Variants in STK3 observed in about 807,000 individuals in gnomAD.
The protein encoded by STK3 is serine/threonine kinase 3.
A neutral mutation model predicts 58.0 loss-of-function variants in STK3; 41 were observed. That is an observed-to-expected ratio of 0.71 (90% confidence interval 0.55 to 0.92). The LOEUF (loss-of-function observed/expected upper bound fraction) is 0.92. Ranked by LOEUF, STK3 falls within the 40% of genes least tolerant of loss-of-function variation. The pLI is 0.00. For synonymous variants in STK3, 170 were observed against 191.0 expected (o/e 0.89, Z 0.91); for missense variants, 479 against 602.7 (o/e 0.79, Z 2.15).
rs1026148816 is a variant in STK3, at chr8:98,595,900, G to A, written c.822+132C>T. 1.2e-5 allele frequency: 12 copies of A among 994,142 alleles called. No homozygotes were observed. The African/African-American group carries it at 1.3e-4, about 11-fold the overall frequency. The allele number at this position is 994,142 out of a possible 1,614,324, so 61.6% of individuals were successfully genotyped here. On this transcript the variant is annotated intron_variant, in intron 7 of 10. Coordinates refer to ENST00000419617, the MANE Select transcript of STK3 (RefSeq NM_006281.4). The stretch of plus-strand genomic sequence containing the variant: ...ACGAGAGGGGAGGAAAGAAAAGAAG[G>A]GAGCAAACAGGAGGGGAGGGGAGGT...
intron 1 of STK3, among the ~76,000 whole-genome samples, chr8:98,381,451 C>T (rs974486240): frequency 6.6e-6 from 1 of 152,036 alleles, no homozygotes; most frequent in Non-Finnish European, 1.5e-5. Flanking sequence ...ATATTTAATC[C>T]GGGCATTAAA....
chr8:98,456,044 A>C, intron 10 of STK3, 44 bp from the exon 11 acceptor site: 2 of 1,529,278 alleles, frequency 1.3e-6, no homozygotes, highest in Non-Finnish European at 1.8e-6. Flanking sequence ...AATTATCCAC[A>C]TTATCCACAA....
At chr8:98,939,983 TGAATTCGAAGCAGCCTTG>T (rs1252199770) in intron 1 of STK3, among the ~76,000 whole-genome samples, 2 of 152,216 alleles carry the variant, frequency 1.3e-5, no homozygotes, top group Admixed American at 6.5e-5. Flanking sequence ...AAAAGCACCA[TGAATTCGAAGCAGCCTTG>T]GACGCGGGAT....
chr8:98,681,254 C>G (rs1305830731), intron 6 of STK3, among the ~76,000 whole-genome samples: 1 of 152,104 alleles, frequency 6.6e-6, no homozygotes, highest in African/African-American at 2.4e-5. Flanking sequence ...ACCTCGACCT[C>G]CCAAAGTGCT....
At chr8:98,368,511 G>A (rs1295638848), downstream of STK3, among the ~76,000 whole-genome samples, 1 of 152,120 alleles carries the variant, frequency 6.6e-6, no homozygotes, top group African/African-American at 2.4e-5. Flanking sequence ...GAGCACACAG[G>A]TTCCCACACA....
intron 6 of STK3, among the ~76,000 whole-genome samples, chr8:98,649,067 A>C (rs1820652977): frequency 6.6e-6 from 1 of 152,010 alleles, no homozygotes; most frequent in African/African-American, 2.4e-5. Flanking sequence ...AAAAAAAAAA[A>C]AAAAAACTCA....
chr8:98,459,677 G>C (rs1398889394), intron 10 of STK3, among the ~76,000 whole-genome samples: 7 of 152,236 alleles, frequency 4.6e-5, no homozygotes, highest in Non-Finnish European at 8.8e-5. Context: ...GTGCAGCCTT[G>C]AGACATGGCA....
chr8:98,718,477 C>T (rs945302648), intron 4 of STK3, among the ~76,000 whole-genome samples: 113 of 152,192 alleles, frequency 7.4e-4, no homozygotes, highest in African/African-American at 2.6e-3. Flanking sequence ...GACTTGACAG[C>T]GCAGAGAAAG....
Position 98,800,617 on chromosome 8 carries a change from G to A in STK3, c.26+24898C>T, listed in dbSNP as rs190869111. On this transcript the variant is annotated intron_variant, in intron 1 of 10. Coordinates refer to ENST00000419617, the MANE Select transcript of STK3 (RefSeq NM_006281.4). This position sits in a 1 kb window ranked among gnomAD's most constrained non-coding sequence, Gnocchi z 4.8. ...AAGCGTGGGCAGGAACCAGGACTGC[G>A]CGCAGCACTCATGGGCCAGCACGAG... Among the ~76,000 whole-genome samples the A allele has an allele frequency of 7.2e-5, 11 of 152,298 alleles. No individual in the cohort carries two copies. The highest frequency in any genetic ancestry group is 3.9e-4 in the Admixed American group (6 of 15,306).
At chr8:98,566,938 A>T (rs1735236886) in intron 8 of STK3, among the ~76,000 whole-genome samples, 1 of 152,248 alleles carries the variant, frequency 6.6e-6, no homozygotes, top group African/African-American at 2.4e-5. Flanking sequence ...ACCAAAACTA[A>T]GTAGGTAATG....
In STK3 at chr8:98,678,764, A is replaced by G. The variant is rs146351054; in HGVS notation, c.684+27703T>C. ...AAGTACACAGAAGCCCATATATCAA[A>G]ATGTTAATGGTAAATCTTGAGGTAG... On this transcript the variant is annotated intron_variant, in intron 6 of 10. Coordinates refer to ENST00000419617, the MANE Select transcript of STK3 (RefSeq NM_006281.4). Among the ~76,000 whole-genome samples the G allele has an allele frequency of 8.5e-3, 1,290 of 152,316 alleles. 12 individuals are homozygous for G. Among genetic ancestry groups the G allele is most frequent in the African/African-American group, 0.029 (1,211 of 41,564 alleles).
At chr8:98,563,393 G>A (rs1812215712) in intron 8 of STK3, among the ~76,000 whole-genome samples, 1 of 152,058 alleles carries the variant, frequency 6.6e-6, no homozygotes, top group Non-Finnish European at 1.5e-5. Flanking sequence ...AGATACAGAT[G>A]TATACACATA....
intron 6 of STK3, among the ~76,000 whole-genome samples, chr8:98,661,945 C>T (rs980138501): frequency 1.3e-5 from 2 of 152,104 alleles, no homozygotes; most frequent in Admixed American, 1.3e-4. Context: ...ACAATTACCA[C>T]AGTACTTACC....
At chr8:98,803,467 G>A (rs1017757186) in intron 1 of STK3, among the ~76,000 whole-genome samples, 4 of 151,678 alleles carry the variant, frequency 2.6e-5, no homozygotes, top group East Asian at 1.9e-4. Context: ...GGTAGGGGAC[G>A]CCTGTAGTCC....
chr8:98,933,416 G>A (rs1184416360), intron 1 of STK3, among the ~76,000 whole-genome samples: 2 of 152,130 alleles, frequency 1.3e-5, no homozygotes, highest in Non-Finnish European at 2.9e-5. Context: ...CACAAATTGT[G>A]CACATTTACT....
intron 2 of STK3, among the ~76,000 whole-genome samples, chr8:98,375,887 CA>C (rs907127555): frequency 6.6e-6 from 1 of 152,044 alleles, no homozygotes; most frequent in African/African-American, 2.4e-5. Context: ...TATAAATATT[CA>C]TGTATAGGTT....
intron 1 of STK3, among the ~76,000 whole-genome samples, chr8:98,818,670 A>G (rs1188430155): frequency 6.6e-6 from 1 of 152,164 alleles, no homozygotes; most frequent in Non-Finnish European, 1.5e-5. Flanking sequence ...CAGAACTCAA[A>G]ATAATACTAC....
At chr8:98,916,760 C>G (rs1257400876) in intron 1 of STK3, among the ~76,000 whole-genome samples, 1 of 152,276 alleles carries the variant, frequency 6.6e-6, no homozygotes, top group Middle Eastern at 3.4e-3. Flanking sequence ...GTCTGCCCCT[C>G]GTGCAGCTTC....
chr8:98,784,836 G>C (rs528301378), intron 1 of STK3, among the ~76,000 whole-genome samples: 19 of 152,246 alleles, frequency 1.2e-4, no homozygotes, highest in Admixed American at 5.2e-4. Flanking sequence ...GTGCAGGGGG[G>C]CCCTCTCTGC....
Sources: allele counts gnomAD v4.1 joint callset (sites outside exome capture counted in the v4.1 genomes callset), GRCh38; gene constraint gnomAD v4.1.1; non-coding constraint Gnocchi (gnomAD v3.1); transcripts MANE v1.5; gene names NCBI Gene and HGNC (gene_info 2026-07-23, HGNC 2026-07-21).